PRKACB: variants seen among roughly 807,000 people sequenced by gnomAD.
PRKACB encodes protein kinase cAMP-activated catalytic subunit beta, also known as cAMP-dependent protein kinase catalytic subunit beta.
A neutral mutation model predicts 51.4 loss-of-function variants in PRKACB; 16 were observed. The ratio of observed to expected loss-of-function variants is 0.31; its 90% confidence interval spans 0.21 to 0.47. The LOEUF (loss-of-function observed/expected upper bound fraction) is 0.47, where lower values mean the gene tolerates loss of function less well. PRKACB is among the 20% of genes least tolerant of loss of function. The pLI is 1.00. For synonymous variants in PRKACB, 147 were observed against 154.4 expected (o/e 0.95, Z 0.35); for missense variants, 309 against 464.5 (o/e 0.67, Z 3.08).
chr1:84,135,358 A>G (rs1652696461), intron 1 of PRKACB, among the ~76,000 whole-genome samples: 1 of 152,196 alleles, frequency 6.6e-6, no homozygotes, highest in South Asian at 2.1e-4. Flanking sequence ...TCTTTCAATA[A>G]TTGATATAGA....
chr1:84,110,281 T>G (rs931161822), intron 1 of PRKACB, among the ~76,000 whole-genome samples: 2 of 151,802 alleles, frequency 1.3e-5, no homozygotes, highest in African/African-American at 4.8e-5. Flanking sequence ...ATTTACAGTG[T>G]ATTAGGTATT....
At chr1:84,158,643 G>A (rs1441585763) in intron 1 of PRKACB, among the ~76,000 whole-genome samples, 1 of 151,768 alleles carries the variant, frequency 6.6e-6, no homozygotes, top group Admixed American at 6.6e-5. Context: ...TAAAAATGAT[G>A]TATTTGAAGA....
At chr1:84,228,381 T>G (rs1485016366) in intron 9 of PRKACB, among the ~76,000 whole-genome samples, 1 of 152,242 alleles carries the variant, frequency 6.6e-6, no homozygotes, top group Non-Finnish European at 1.5e-5. Context: ...CATGTGAATT[T>G]GGTCAATCGA....
intron 9 of PRKACB, among the ~76,000 whole-genome samples, chr1:84,220,859 A>G (rs1267827162): frequency 6.6e-6 from 1 of 152,012 alleles, no homozygotes; most frequent in East Asian, 1.9e-4. Context: ...TTTGTTAAAA[A>G]TTTTTGTGTC....
intron 1 of PRKACB, among the ~76,000 whole-genome samples, chr1:84,158,534 A>T (rs534070423): frequency 6.6e-6 from 1 of 150,968 alleles, no homozygotes; most frequent in African/African-American, 2.4e-5. Flanking sequence ...TCTTCTTATT[A>T]TCAATTCTCA....
At chr1:84,086,808 G>A (rs1648039743) in intron 1 of PRKACB, among the ~76,000 whole-genome samples, 1 of 152,152 alleles carries the variant, frequency 6.6e-6, no homozygotes, top group Non-Finnish European at 1.5e-5. Flanking sequence ...TAGCCTCCCG[G>A]GCAGGGGGCA....
At chr1:84,088,573 T>G (rs1415220540) in intron 1 of PRKACB, among the ~76,000 whole-genome samples, 1 of 152,180 alleles carries the variant, frequency 6.6e-6, no homozygotes, top group Non-Finnish European at 1.5e-5. Context: ...ACTGGTAACT[T>G]AGCTCTTTCA....
At chr1:84,151,804 C>G (rs149731776) in intron 1 of PRKACB, among the ~76,000 whole-genome samples, 39 of 152,218 alleles carry the variant, frequency 2.6e-4, no homozygotes, top group African/African-American at 8.9e-4. Flanking sequence ...AATTTTTTAC[C>G]ACATCTGCAG....
chr1:84,122,794 A>G (rs931529024), intron 1 of PRKACB, among the ~76,000 whole-genome samples: 2 of 152,134 alleles, frequency 1.3e-5, no homozygotes, highest in African/African-American at 2.4e-5. Context: ...AGTTTCTGAT[A>G]TGGTAGTTTA....
chr1:84,195,179 T>C (rs1200439417), intron 5 of PRKACB, among the ~76,000 whole-genome samples: 2 of 152,238 alleles, frequency 1.3e-5, no homozygotes, highest in Admixed American at 1.3e-4. Context: ...GCTTACAATG[T>C]TCTCCTCATT....
chr1:84,147,775 C>G (rs1186611749), intron 1 of PRKACB, among the ~76,000 whole-genome samples: 21 of 151,864 alleles, frequency 1.4e-4, no homozygotes, highest in Non-Finnish European at 2.9e-5. Flanking sequence ...ATAACATACA[C>G]AAGTATTTGA....
intron 1 of PRKACB, among the ~76,000 whole-genome samples, chr1:84,080,947 A>C (rs940243763): frequency 6.6e-6 from 1 of 150,972 alleles, no homozygotes; most frequent in African/African-American, 2.5e-5. Context: ...GACTATAAGT[A>C]AAAGCTGAAA....
chr1:84,210,270 A>T (rs1671932272), intron 8 of PRKACB, among the ~76,000 whole-genome samples: 1 of 152,212 alleles, frequency 6.6e-6, no homozygotes, highest in Admixed American at 6.5e-5. Context: ...AAAAAATATT[A>T]AAGAAAACAC....
At chr1:84,174,651 G>A (rs765430517) in intron 1 of PRKACB, among the ~76,000 whole-genome samples, 10 of 151,868 alleles carry the variant, frequency 6.6e-5, no homozygotes, top group Non-Finnish European at 1.2e-4. Context: ...GTTATAATGC[G>A]TAATGTCTTT....
At chr1:84,184,654 T>C (rs1294968330) in intron 4 of PRKACB, among the ~76,000 whole-genome samples, 1 of 151,926 alleles carries the variant, frequency 6.6e-6, no homozygotes, top group Non-Finnish European at 1.5e-5. Flanking sequence ...TATTGAATCA[T>C]ATGAAACATT....
Position 84,235,449 on chromosome 1 carries a change from G to C in PRKACB, c.*144G>C. On this transcript the variant is annotated 3_prime_UTR_variant, in exon 10 of 10. Transcript: ENST00000370685. ...GTGAGGTCTTTATTGCCATCATCCC[G>C]TGTGCGCACTCTGCATCCACCTATG... 1 of 1,044,342 alleles carries C rather than the reference G, an allele frequency of 9.6e-7. No homozygotes were observed. Among genetic ancestry groups the C allele is most frequent in the Non-Finnish European group, 1.4e-6 (1 of 719,444 alleles). The allele number at this position is 1,044,342 out of a possible 1,614,324, so 64.7% of individuals were successfully genotyped here.
intron 1 of PRKACB, among the ~76,000 whole-genome samples, chr1:84,112,434 A>G (rs529049957): frequency 1.3e-5 from 2 of 151,928 alleles, no homozygotes; most frequent in South Asian, 4.2e-4. Context: ...ATGGGATTTC[A>G]CCATGTTGGC....
At chr1:84,212,424 C>G (rs1672280867) in intron 8 of PRKACB, among the ~76,000 whole-genome samples, 1 of 152,164 alleles carries the variant, frequency 6.6e-6, no homozygotes, top group Admixed American at 6.5e-5. Context: ...CCTATCTTTG[C>G]ATGCATGATT....
chr1:84,171,892 A>C (rs1337368782), intron 1 of PRKACB, among the ~76,000 whole-genome samples: 1 of 151,650 alleles, frequency 6.6e-6, no homozygotes, highest in African/African-American at 2.4e-5. Flanking sequence ...CAAACAAAAA[A>C]GGTAATTTTT....
Sources: allele counts gnomAD v4.1 joint callset (sites outside exome capture counted in the v4.1 genomes callset), GRCh38; gene constraint gnomAD v4.1.1; transcripts MANE v1.5; gene names NCBI Gene and HGNC (gene_info 2026-07-23, HGNC 2026-07-21).